DAB1: variants seen among roughly 807,000 people sequenced by gnomAD.
The protein encoded by DAB1 is disabled homolog 1.
In DAB1, 15 loss-of-function variants were observed where a neutral mutation model predicts 64.6. The ratio of observed to expected loss-of-function variants is 0.23; its 90% CI spans 0.16 to 0.36. DAB1 has a LOEUF of 0.36. Among genes scored for constraint, DAB1 ranks in the 10% least tolerant of loss-of-function variants. The pLI, the probability that DAB1 is intolerant of heterozygous loss-of-function variation, is 1.00. For synonymous variants in DAB1, 235 were observed against 251.9 expected, an observed-to-expected ratio of 0.93 and a Z score of 0.64; for missense variants, 596 against 706.7, an observed-to-expected ratio of 0.84 and a Z score of 1.78.
At chr1:57,452,168 T>TCCC (rs1686404554) in intron 7 of DAB1, among the ~76,000 whole-genome samples, 1 of 122,840 alleles carries the variant, frequency 8.1e-6, no homozygotes, top group African/African-American at 3.3e-5. Context: ...CACCCCCCCT[T>TCCC]TTTTTTTTTT....
chr1:57,957,581 T>A (rs1421058990), intron 5 of DAB1, among the ~76,000 whole-genome samples: 1 of 152,142 alleles, frequency 6.6e-6, no homozygotes, highest in African/African-American at 2.4e-5. Context: ...TATTAGCACA[T>A]AAACAGTATT....
chr1:57,136,722 C>A, intron 3 of DAB1, 81 bp from the exon 4 acceptor site: 1 of 818,120 alleles, frequency 1.2e-6, no homozygotes, highest in South Asian at 2.6e-5. Context: ...TGTCCGATAC[C>A]ATCAACCAAT....
At chr1:57,210,942 C>G (rs1010156103) in intron 2 of DAB1, among the ~76,000 whole-genome samples, 11 of 152,180 alleles carry the variant, frequency 7.2e-5, no homozygotes, top group African/African-American at 2.7e-4. Flanking sequence ...TTCATCATAT[C>G]AATTTCAAAA....
chr1:58,031,989 CGTGTGTGTGTGT>C lies in DAB1; in HGVS notation n.387+118510_387+118521del, dbSNP rs59449665. Reference sequence around the variant, plus strand: ...TCACAGCTGCAAGTACTGATAGAAACGTGTGTGTGTGTGTGTGTGTGTGTGTGTGTGTGTGTG... The same window carrying C: ...TCACAGCTGCAAGTACTGATAGAAACGTGTGTGTGTGTGTGTGTGTGTGTG... On this transcript the variant is annotated intron_variant and non_coding_transcript_variant, in intron 5 of 20. Coordinates refer to the DAB1 transcript ENST00000485760. Among the ~76,000 whole-genome samples the C allele has an allele frequency of 6.4e-3, 904 of 141,968 alleles. 7 individuals carry two copies. Among genetic ancestry groups the C allele is most frequent in the African/African-American group, 0.017 (631 of 37,596 alleles). The allele number at this position is 141,968 out of a possible 152,430, so 93.1% of individuals were successfully genotyped here.
chr1:57,664,710 A>G (rs922526703), intron 6 of DAB1, among the ~76,000 whole-genome samples: 2 of 152,128 alleles, frequency 1.3e-5, no homozygotes, highest in Non-Finnish European at 2.9e-5. Context: ...AAAGAGATTC[A>G]GTAACAGTGG....
chr1:58,155,853 A>G (rs752849057), intron 4 of DAB1, among the ~76,000 whole-genome samples: 6 of 152,204 alleles, frequency 3.9e-5, no homozygotes, highest in Non-Finnish European at 7.4e-5. Flanking sequence ...TCCAAGCAAT[A>G]CTGCTTCCAA....
intron 2 of DAB1, among the ~76,000 whole-genome samples, chr1:57,189,498 A>T (rs1047275644): frequency 6.6e-6 from 1 of 152,122 alleles, no homozygotes; most frequent in Admixed American, 6.5e-5. Context: ...ATTTGTAGGA[A>T]ATTTCTCGTC....
intron 3 of DAB1, among the ~76,000 whole-genome samples, chr1:58,384,267 T>C (rs2100549766): frequency 6.6e-6 from 1 of 152,284 alleles, no homozygotes; most frequent in East Asian, 1.9e-4. Context: ...AAAAATATGC[T>C]AAGTAAAATA....
At chr1:58,056,254 C>T in intron 5 of DAB1, 1 of 1,344,970 alleles carries the variant, frequency 7.4e-7, no homozygotes, top group Non-Finnish European at 1.1e-6. Flanking sequence ...AATTGCACAA[C>T]TCACACAGTA....
At chr1:58,049,382 A>T in intron 5 of DAB1, 1 of 532,140 alleles carries the variant, frequency 1.9e-6, no homozygotes, top group East Asian at 3.3e-5. Context: ...CTTAACCTGA[A>T]CTATTTTTGC....
At chr1:57,564,042 G>A (rs2101514210) in intron 7 of DAB1, among the ~76,000 whole-genome samples, 1 of 152,318 alleles carries the variant, frequency 6.6e-6, no homozygotes, top group East Asian at 1.9e-4. Context: ...ACCCCCAGTA[G>A]GGGCAGACTG....
chr1:58,109,345 T>C (rs1651843289), intron 5 of DAB1, among the ~76,000 whole-genome samples: 1 of 152,148 alleles, frequency 6.6e-6, no homozygotes, highest in South Asian at 2.1e-4. Context: ...TTAAGAATCT[T>C]TGGGTGCAAG....
Position 57,151,081 on chromosome 1 carries a change from G to A in DAB1, c.68-5652C>T, listed in dbSNP as rs75534350. Among the ~76,000 whole-genome samples, 323 of 152,264 alleles carry A rather than the reference G, an allele frequency of 2.1e-3. 2 individuals are homozygous for A. In the East Asian group the frequency reaches 0.033, roughly 16 times the overall value. ...CCAATTAATGTACTTGCAAAACACA[G>A]TACTAGAGGGCATGGCTAGAGCGAT... On this transcript the variant is annotated intron_variant, in intron 2 of 14. Transcript: ENST00000371236.
intron 14 of DAB1, among the ~76,000 whole-genome samples, chr1:57,002,062 C>T (rs984296409): frequency 6.6e-6 from 1 of 152,182 alleles, no homozygotes; most frequent in African/African-American, 2.4e-5. Flanking sequence ...CAGTTCTCTT[C>T]TTAGTGGAAG....
chr1:57,881,121 GATTAA>G lies in DAB1; in HGVS notation n.87+2873_87+2877del, dbSNP rs141619032. On this transcript the variant is annotated intron_variant and non_coding_transcript_variant, in intron 1 of 1. Coordinates refer to the DAB1 transcript ENST00000477280. ...CTTTACTTCACTAAGCTGTTGAGTA[GATTAA>G]ATTAGACTGTGCACATGAAAGCAGT... Among the ~76,000 whole-genome samples, 1,370 of 152,256 alleles carry G rather than the reference GATTAA, an allele frequency of 9.0e-3. 18 individuals carry two copies. Among genetic ancestry groups the G allele is most frequent in the African/African-American group, 0.032 (1,323 of 41,540 alleles).
intron 5 of DAB1, among the ~76,000 whole-genome samples, chr1:58,051,901 T>C (rs192272048): frequency 4.6e-5 from 7 of 152,346 alleles, no homozygotes; most frequent in African/African-American, 1.7e-4. Flanking sequence ...GGTTGTTTTT[T>C]TCTTGTAAAT....
intron 5 of DAB1, among the ~76,000 whole-genome samples, chr1:58,110,025 G>C (rs529874925): frequency 6.6e-6 from 1 of 152,154 alleles, no homozygotes; most frequent in Non-Finnish European, 1.5e-5. Flanking sequence ...GCCCATTCTG[G>C]GCCAATCAGG....
intron 4 of DAB1, among the ~76,000 whole-genome samples, chr1:57,082,179 A>T (rs116189273): frequency 0.02 from 3,016 of 152,274 alleles, 103 homozygotes; most frequent in African/African-American, 0.068. Context: ...ATCCTTTTAC[A>T]TTTTGTGTTT....
intron 5 of DAB1, among the ~76,000 whole-genome samples, chr1:57,912,593 G>A (rs1644662679): frequency 6.6e-6 from 1 of 152,062 alleles, no homozygotes; most frequent in Non-Finnish European, 1.5e-5. Flanking sequence ...TTCTGGCCAG[G>A]GCAATCAGGC....
Sources: allele counts gnomAD v4.1 joint callset (sites outside exome capture counted in the v4.1 genomes callset), GRCh38; gene constraint gnomAD v4.1.1; transcripts MANE v1.5; gene names NCBI Gene and HGNC (gene_info 2026-07-23, HGNC 2026-07-21).